Variants in BICDL1 observed in about 807,000 individuals in gnomAD.
The protein encoded by BICDL1 is BICD family like cargo adaptor 1.
BICDL1 carries 20 observed loss-of-function variants against 76.8 expected under a neutral mutation model. The ratio of observed to expected loss-of-function variants is 0.26; its 90% confidence interval spans 0.18 to 0.38. The LOEUF is 0.38. Ranked by LOEUF, BICDL1 falls within the 10% of genes least tolerant of loss-of-function variation. The pLI is 1.00. For missense variants in BICDL1, 700 were observed against 798.6 expected (o/e 0.88, Z 1.49); for synonymous variants, 383 against 337.1 (o/e 1.14, Z -1.49).
At chr12:120,074,866 G>A (rs1021475390) in intron 7 of BICDL1, among the ~76,000 whole-genome samples, 2 of 152,214 alleles carry the variant, frequency 1.3e-5, no homozygotes, top group Non-Finnish European at 2.9e-5. Context: ...AATCTGACTG[G>A]TAGATGCTGA....
intron 6 of BICDL1, 61 bp downstream of exon 6, chr12:120,072,790 C>T: frequency 7.0e-7 from 1 of 1,429,438 alleles, no homozygotes; most frequent in Non-Finnish European, 9.7e-7. Flanking sequence ...GAGGTTAGAA[C>T]CCAGTGCATA....
At position 120,061,651 on chromosome 12, in the gene BICDL1, C is replaced by CT; in HGVS notation, c.646-57dup. On this transcript the variant is annotated intron_variant, in intron 2 of 9. Transcript: ENST00000548673. Reference sequence around the variant, plus strand: ...ATGCTTGATAAATGAAAGCAGAAACCTTAACAGAGTTCCTTTGCATAACCT... The same window carrying CT: ...ATGCTTGATAAATGAAAGCAGAAACCTTTAACAGAGTTCCTTTGCATAACCT... 3.4e-6 allele frequency: 4 copies of CT among 1,178,184 alleles called. No individual in the cohort carries two copies. The South Asian group carries it at 4.9e-5, about 14-fold the overall frequency. The allele number at this position is 1,178,184 out of a possible 1,614,324, so 73.0% of individuals were successfully genotyped here.
At chr12:120,012,466 G>A (rs892200294) in intron 2 of BICDL1, among the ~76,000 whole-genome samples, 1 of 152,086 alleles carries the variant, frequency 6.6e-6, no homozygotes, top group Non-Finnish European at 1.5e-5. Flanking sequence ...CACACCTCTC[G>A]TCATCAGTTG....
intron 2 of BICDL1, among the ~76,000 whole-genome samples, chr12:120,003,158 TAAAAAA>T (rs747568511): frequency 2.2e-5 from 3 of 136,648 alleles, no homozygotes; most frequent in African/African-American, 5.4e-5. Context: ...ACCCCATCTT[TAAAAAA>T]AAAAAAAAAA....
At chr12:120,074,307 A>G (rs1283639207) in intron 6 of BICDL1, 136 bp from the exon 7 acceptor site, 2 of 407,526 alleles carry the variant, frequency 4.9e-6, no homozygotes, top group Non-Finnish European at 6.7e-6. Context: ...TTTCCCCACT[A>G]TCTTTCCCCA....
At chr12:120,006,085 C>T (rs897900079) in intron 2 of BICDL1, among the ~76,000 whole-genome samples, 3 of 152,086 alleles carry the variant, frequency 2.0e-5, no homozygotes, top group Middle Eastern at 3.2e-3. Context: ...CATAGTACAA[C>T]TATAAAGAAA....
intron 2 of BICDL1, among the ~76,000 whole-genome samples, chr12:120,022,422 ATT>A (rs995319915): frequency 6.8e-6 from 1 of 146,900 alleles, no homozygotes; most frequent in East Asian, 2.0e-4. Context: ...TTATATATAT[ATT>A]TTTTATATTA....
At chr12:120,066,041 A>G (rs1307096977) in intron 4 of BICDL1, among the ~76,000 whole-genome samples, 1 of 152,268 alleles carries the variant, frequency 6.6e-6, no homozygotes, top group African/African-American at 2.4e-5. Context: ...AAGATGGAAA[A>G]GAATTTGCTC....
At chr12:120,019,691 C>A (rs1005524210) in intron 2 of BICDL1, among the ~76,000 whole-genome samples, 1 of 152,044 alleles carries the variant, frequency 6.6e-6, no homozygotes, top group African/African-American at 2.4e-5. Flanking sequence ...CTCAACAGAT[C>A]CCCCTGCCTC....
chr12:120,088,742 C>CT (rs1326290463), intron 8 of BICDL1, among the ~76,000 whole-genome samples: 2 of 151,958 alleles, frequency 1.3e-5, no homozygotes, highest in Non-Finnish European at 2.9e-5. Flanking sequence ...TCTGGGCTTA[C>CT]TGCAAGCTCC....
chr12:120,001,231 G>A (rs529962015), intron 2 of BICDL1, among the ~76,000 whole-genome samples: 7 of 151,930 alleles, frequency 4.6e-5, no homozygotes, highest in Non-Finnish European at 8.8e-5. Flanking sequence ...GGTAATAGAA[G>A]GCCATACTTT....
intron 2 of BICDL1, among the ~76,000 whole-genome samples, chr12:120,029,131 A>G (rs758819369): frequency 3.3e-5 from 5 of 152,152 alleles, no homozygotes; most frequent in African/African-American, 4.8e-5. Context: ...CTTTAGACCC[A>G]TGGCTTCTAA....
intron 2 of BICDL1, among the ~76,000 whole-genome samples, chr12:119,999,355 T>C (rs1426967956): frequency 6.6e-6 from 1 of 152,102 alleles, no homozygotes; most frequent in African/African-American, 2.4e-5. Flanking sequence ...CTGTGATTAC[T>C]TTACCTATGA....
intron 2 of BICDL1, among the ~76,000 whole-genome samples, chr12:120,017,087 AG>A (rs1014237820): frequency 4.6e-5 from 7 of 152,072 alleles, no homozygotes; most frequent in African/African-American, 1.7e-4. Context: ...TAGTAGAGAC[AG>A]GGTTTCACTG....
chr12:120,090,326 C>G, intron 9 of BICDL1: 2 of 417,712 alleles, frequency 4.8e-6, no homozygotes, highest in East Asian at 8.7e-5. Flanking sequence ...TGGAATGGGG[C>G]CCCCTTTCAG....
chr12:120,026,895 G>A (rs1359000243), intron 2 of BICDL1, among the ~76,000 whole-genome samples: 2 of 152,126 alleles, frequency 1.3e-5, no homozygotes, highest in Admixed American at 6.5e-5. Flanking sequence ...CACCCTACCC[G>A]CACATCCAAC....
chr12:120,064,825 G>A lies in BICDL1; in HGVS notation c.855G>A (p.Glu285=), dbSNP rs763794584. Residue 285 remains glutamate (E), a synonymous_variant, in exon 4 of 10, where the codon GAG becomes GAA. Transcript: ENST00000548673. ...ACCTGCTCCAAGGGACCGTGGAGGA[G>A]CTACAGGACCGGGTGCTAATCCTGG... ...ENDLLQGTVE[E]LQDRVLILER... The A allele has an allele frequency of 6.8e-5, 109 of 1,613,536 alleles. No homozygotes were observed. The Middle Eastern group carries it at 1.3e-3, about 20-fold the overall frequency.
chr12:120,004,428 G>A (rs1220959588), intron 2 of BICDL1, among the ~76,000 whole-genome samples: 1 of 152,108 alleles, frequency 6.6e-6, no homozygotes, highest in Non-Finnish European at 1.5e-5. Context: ...AGCCAAGATG[G>A]GTTTCTACTA....
chr12:120,090,696 CCAGA>C (rs1266208143), intron 9 of BICDL1: 1 of 369,050 alleles, frequency 2.7e-6, no homozygotes, highest in Non-Finnish European at 5.3e-6. Context: ...GAATTCTCAT[CCAGA>C]CAGATGAAAA....
Sources: allele counts gnomAD v4.1 joint callset (sites outside exome capture counted in the v4.1 genomes callset), GRCh38; gene constraint gnomAD v4.1.1; transcripts MANE v1.5; gene names NCBI Gene and HGNC (gene_info 2026-07-23, HGNC 2026-07-21).